Variants in OR3A2 observed in about 807,000 individuals in gnomAD.
OR3A2 encodes olfactory receptor family 3 subfamily A member 2, also known as olfactory receptor 3A2.
For synonymous variants in OR3A2, 126 were observed against 159.3 expected (o/e 0.79, Z 1.57); for missense variants, 318 against 392.8 (o/e 0.81, Z 1.61).
At chr17:3,354,335 A>T (rs1091424) in intron 2 of OR3A2, among the ~76,000 whole-genome samples, 1 of 150,960 alleles carries the variant, frequency 6.6e-6, no homozygotes, top group African/African-American at 2.5e-5. Context: ...TTTTTTGAGA[A>T]AGGTTTTGCT....
Position 3,292,678 on chromosome 17 carries a change from C to A in OR3A2, c.-84-13525G>T, listed in dbSNP as rs2676604. 31 of 1,082,218 alleles carry A rather than the reference C, an allele frequency of 2.9e-5. No homozygotes were observed. The African/African-American group carries it at 4.4e-4, about 15-fold the overall frequency. The allele number at this position is 1,082,218 out of a possible 1,614,324, so 67.0% of individuals were successfully genotyped here. A position where few individuals can be genotyped will look rare whatever the true frequency, so the allele number is the denominator to read the frequency against. On this transcript the variant is annotated intron_variant, in intron 3 of 4. Transcript: ENST00000573491. Reference sequence around the variant, plus strand: ...AGAAACAGACCCCCTTCTACTTGCCCGGCCCTCTGCCACGTTCCCTCTGTA... The same window carrying A: ...AGAAACAGACCCCCTTCTACTTGCCAGGCCCTCTGCCACGTTCCCTCTGTA...
rs71360932 is a variant in OR3A2, at chr17:3,372,901, G to A, written c.-179+10903C>T. Among the ~76,000 whole-genome samples, 1,064 of 124,182 alleles carry A rather than the reference G, an allele frequency of 8.6e-3. 1 individual carries two copies. Among genetic ancestry groups the A allele is most frequent in the Middle Eastern group, 0.036 (8 of 224 alleles). 81.5% of individuals were successfully genotyped at this position (124,182 alleles called of 152,430 possible). ...AGGGAGAGGGAGAGGGAGAGGGAGA[G>A]GGAGAGGGCTCTTTAGGATTTTTTG... On this transcript the variant is annotated intron_variant, in intron 2 of 4. Coordinates refer to the OR3A2 transcript ENST00000573491.
At chr17:3,359,534 C>T (rs746931874) in intron 2 of OR3A2, among the ~76,000 whole-genome samples, 8 of 151,696 alleles carry the variant, frequency 5.3e-5, no homozygotes, top group Non-Finnish European at 7.4e-5. Context: ...ACTTAGGAAA[C>T]TTAGTTTGGC....
At chr17:3,309,360 G>A (rs1355918031) in intron 3 of OR3A2, among the ~76,000 whole-genome samples, 3 of 152,142 alleles carry the variant, frequency 2.0e-5, no homozygotes, top group African/African-American at 7.2e-5. Context: ...TTAGAACCAG[G>A]AGACAGAAGA....
chr17:3,334,396 C>A (rs970816531), intron 3 of OR3A2, among the ~76,000 whole-genome samples: 1 of 152,112 alleles, frequency 6.6e-6, no homozygotes, highest in African/African-American at 2.4e-5. Flanking sequence ...GAACATGCAA[C>A]ATTTGTCTTT....
chr17:3,344,478 C>G (rs2049346619), intron 2 of OR3A2, among the ~76,000 whole-genome samples: 1 of 152,122 alleles, frequency 6.6e-6, no homozygotes, highest in Non-Finnish European at 1.5e-5. Flanking sequence ...ACAATATCAT[C>G]TAGACACAAA....
exon 2 of OR3A2, chr17:3,277,335 T>C (rs1267656776): frequency 1.3e-5 from 2 of 152,216 alleles, no homozygotes; most frequent in South Asian, 2.1e-4. Context: ...TTTGGTTTTT[T>C]TAAAAAACTT....
At chr17:3,376,835 C>T (rs552745797) in intron 2 of OR3A2, among the ~76,000 whole-genome samples, 27 of 152,248 alleles carry the variant, frequency 1.8e-4, no homozygotes, top group African/African-American at 6.5e-4. Context: ...TCCCAAGGAT[C>T]CCTGTGAGAT....
rs1005758190 is a variant in OR3A2, at chr17:3,344,497, T to C, written c.-178-8371A>G. ...TATCATCTAGACACAAAAGTCCCTC[T>C]CCGATTCCCTTCTCTTCTGGGAGTT... On this transcript the variant is annotated intron_variant, in intron 2 of 4. Coordinates refer to the OR3A2 transcript ENST00000573491. 1.1e-4 allele frequency among the ~76,000 whole-genome samples: 16 copies of C among 152,098 alleles called. No individual in the cohort carries two copies. The East Asian group carries it at 2.1e-3, about 20-fold the overall frequency.
chr17:3,338,828 G>A (rs2049292694), intron 2 of OR3A2, among the ~76,000 whole-genome samples: 1 of 150,924 alleles, frequency 6.6e-6, no homozygotes. Context: ...GTAGCTGATA[G>A]GGGCATTGAA....
intron 3 of OR3A2, among the ~76,000 whole-genome samples, chr17:3,335,791 T>C (rs576943089): frequency 1.3e-5 from 2 of 152,322 alleles, no homozygotes; most frequent in East Asian, 3.9e-4. Flanking sequence ...CATTCCAGCT[T>C]TGTCTTCATT....
intron 2 of OR3A2, among the ~76,000 whole-genome samples, chr17:3,370,958 A>T (rs912312585): frequency 6.6e-6 from 1 of 152,224 alleles, no homozygotes; most frequent in African/African-American, 2.4e-5. Flanking sequence ...GTCACAGATC[A>T]ACAGGATAAG....
chr17:3,352,980 T>C (rs2150654857), intron 2 of OR3A2, among the ~76,000 whole-genome samples: 1 of 151,998 alleles, frequency 6.6e-6, no homozygotes, highest in South Asian at 2.1e-4. Context: ...AATTCCTAGG[T>C]ATTTTTATTT....
intron 3 of OR3A2, among the ~76,000 whole-genome samples, chr17:3,322,622 G>C (rs185183978): frequency 3.9e-5 from 6 of 152,146 alleles, no homozygotes; most frequent in South Asian, 4.2e-4. Flanking sequence ...CCTTCATTTC[G>C]TTATGTACCC....
At chr17:3,326,302 A>G (rs1016350634) in intron 3 of OR3A2, among the ~76,000 whole-genome samples, 22 of 152,158 alleles carry the variant, frequency 1.4e-4, no homozygotes, top group African/African-American at 5.1e-4. Flanking sequence ...TTGGGTTTAT[A>G]CCCAGTAATG....
chr17:3,325,624 G>C (rs77581084), intron 3 of OR3A2, among the ~76,000 whole-genome samples: 13,062 of 151,856 alleles, frequency 0.086, 1,091 homozygotes, highest in East Asian at 0.48. Context: ...GTCCGTGTTA[G>C]TATACCACAA....
intron 2 of OR3A2, among the ~76,000 whole-genome samples, chr17:3,369,900 T>C (rs925821088): frequency 1.3e-5 from 2 of 151,098 alleles, no homozygotes; most frequent in Admixed American, 6.6e-5. Context: ...GCTTCACAGG[T>C]CCAAGCTATC....
At chr17:3,324,256 C>T (rs530267933) in intron 3 of OR3A2, among the ~76,000 whole-genome samples, 4 of 151,974 alleles carry the variant, frequency 2.6e-5, no homozygotes, top group East Asian at 1.9e-4. Context: ...GTTATCCATT[C>T]GTCTTGATTT....
chr17:3,357,606 G>A (rs2049474251), intron 2 of OR3A2, among the ~76,000 whole-genome samples: 1 of 151,646 alleles, frequency 6.6e-6, no homozygotes, highest in South Asian at 2.1e-4. Flanking sequence ...TTCAATTGGG[G>A]AGGATGAAAA....
Sources: gnomAD v4.1 joint callset for allele counts (sites outside exome capture counted in the v4.1 genomes callset) on GRCh38, gnomAD v4.1.1 for gene constraint, MANE v1.5 for transcripts, NCBI Gene and HGNC (gene_info 2026-07-23, HGNC 2026-07-21) for gene names.